Variants in POLR3D observed in about 807,000 individuals in gnomAD.
POLR3D encodes DNA-directed RNA polymerase III subunit RPC4.
POLR3D carries 42 observed loss-of-function variants against 44.5 expected under a neutral mutation model. That is an observed-to-expected ratio of 0.94 (90% CI 0.74 to 1.22). The LOEUF (loss-of-function observed/expected upper bound fraction) is 1.22, where lower values mean the gene tolerates loss of function less well. POLR3D is among the 50% of genes most tolerant of loss of function. POLR3D has a pLI of 0.00. For missense variants in POLR3D, 507 were observed against 505.2 expected (o/e 1.00, Z -0.03); for synonymous variants, 217 against 198.1 (o/e 1.10, Z -0.80).
At chr8:22,247,005 G>A (rs1056592809) in intron 2 of POLR3D, among the ~76,000 whole-genome samples, 1 of 152,188 alleles carries the variant, frequency 6.6e-6, no homozygotes, top group African/African-American at 2.4e-5. Context: ...GTGGGTTTTG[G>A]TGCCCCCTTC....
intron 6 of POLR3D, 111 bp downstream of exon 6, chr8:22,248,760 C>G: frequency 9.5e-7 from 1 of 1,055,592 alleles, no homozygotes; most frequent in South Asian, 1.5e-5. Context: ...AGCAGGTCCT[C>G]CCATTCCGGC....
chr8:22,246,484 C>T (rs1830044810), intron 2 of POLR3D, among the ~76,000 whole-genome samples: 1 of 151,496 alleles, frequency 6.6e-6, no homozygotes, highest in South Asian at 2.1e-4. Context: ...CTCTTTCTGT[C>T]GCCCAGGCTG....
Position 22,247,978 on chromosome 8 carries a change from C to T in POLR3D, c.331C>T (p.Gln111Ter). ...EVIQSHSIFE[Q>*]GPAEMMKKKG... ...GATCCAGTCTCACTCCATCTTTGAG[C>T]AGGGCCCAGCTGAAATGATGAAGAA... Residue 111 changes from glutamine (Q) to a stop codon, truncating the protein, a stop_gained, in exon 4 of 9, where the codon CAG becomes TAG. Transcript: ENST00000306433. LOFTEE classifies it high-confidence loss of function. The T allele has an allele frequency of 6.2e-7, 1 of 1,613,930 alleles. No individual in the cohort carries two copies. The highest frequency in any genetic ancestry group is 8.5e-7 in the Non-Finnish European group (1 of 1,179,964).
Position 22,249,296 on chromosome 8 carries a change from A to C in POLR3D, c.908A>C (p.Gln303Pro), listed in dbSNP as rs910612596. Reference sequence around the variant, plus strand: ...GACGGACAGGTGGTGCTCATCAAGCAGGAGAAAGACCGAGTACGCTCAGAC... The same window carrying C: ...GACGGACAGGTGGTGCTCATCAAGCCGGAGAAAGACCGAGTACGCTCAGAC... ...GEDGQVVLIK[Q>P]EKDREAKLAE... The change falls in exon 7 of 9, where the codon CAG becomes CCG. Residue 303 changes from glutamine (Q) to proline (P), a missense_variant. Coordinates refer to ENST00000306433, the MANE Select transcript of POLR3D (RefSeq NM_001722.3). 1 of 1,613,832 alleles carries C rather than the reference A, an allele frequency of 6.2e-7. No homozygotes were observed. The highest frequency in any genetic ancestry group is 1.7e-5 in the Admixed American group (1 of 59,964).
intron 2 of POLR3D, among the ~76,000 whole-genome samples, chr8:22,246,683 A>G (rs1204935026): frequency 6.6e-6 from 1 of 152,028 alleles, no homozygotes; most frequent in South Asian, 2.1e-4. Context: ...TGACCTCGTG[A>G]TCCACCCACC....
rs1347341309 is a variant in POLR3D, at chr8:22,248,014, A to T, written c.361+6A>T. ...TGAAATGATGAAGAAAAAAGGTATA[A>T]GGAAGGAATCAGTGAATTTCAGTTC... On this transcript the variant is annotated splice_donor_region_variant and intron_variant, in intron 4 of 8. Coordinates refer to ENST00000306433, the MANE Select transcript of POLR3D (RefSeq NM_001722.3). The T allele has an allele frequency of 4.3e-6, 7 of 1,612,974 alleles. No homozygotes were observed. In the African/African-American group the frequency reaches 5.3e-5, roughly 12 times the overall value.
At chr8:22,247,637 A>G (rs187389425) in intron 3 of POLR3D, among the ~76,000 whole-genome samples, 1 of 152,328 alleles carries the variant, frequency 6.6e-6, no homozygotes, top group Admixed American at 6.5e-5. Flanking sequence ...ACAAAAATCT[A>G]TATTTTTGGA....
intron 3 of POLR3D, 42 bp downstream of exon 3, chr8:22,247,306 T>G: frequency 1.3e-6 from 2 of 1,508,722 alleles, no homozygotes; most frequent in South Asian, 2.3e-5. Context: ...CTTATTTACT[T>G]GCTCTGAATT....
intron 2 of POLR3D, among the ~76,000 whole-genome samples, chr8:22,245,834 C>T (rs1830035108): frequency 6.6e-6 from 1 of 152,144 alleles, no homozygotes; most frequent in Non-Finnish European, 1.5e-5. Context: ...GGCAGAGAAT[C>T]CTAATAAGTT....
At chr8:22,246,403 T>C (rs1034016042) in intron 2 of POLR3D, among the ~76,000 whole-genome samples, 1 of 151,748 alleles carries the variant, frequency 6.6e-6, no homozygotes, top group Non-Finnish European at 1.5e-5. Flanking sequence ...GTGCTGGGAT[T>C]ACAGGTGTGA....
At position 22,249,528 on chromosome 8, in the gene POLR3D, A is replaced by G. The variant is rs568554267; in HGVS notation, c.921+219A>G. Reference sequence around the variant, plus strand: ...CACTTCTTATAAGGAAATATTTCAAACACAAATGAGAGAACATATGGCCAG... The same window carrying G: ...CACTTCTTATAAGGAAATATTTCAAGCACAAATGAGAGAACATATGGCCAG... On this transcript the variant is annotated intron_variant, in intron 7 of 8. Transcript: ENST00000306433. Among the ~76,000 whole-genome samples the G allele has an allele frequency of 3.9e-5, 6 of 152,348 alleles. No homozygotes were observed. The East Asian group carries it at 1.2e-3, about 29-fold the overall frequency.
rs1830067059 is a variant in POLR3D, at chr8:22,248,567, A to C, written c.573A>C (p.Glu191Asp). The change falls in exon 6 of 9, where the codon GAA (glutamate) becomes GAC (aspartate). Residue 191 changes from glutamate to aspartate, a missense_variant. Coordinates refer to ENST00000306433, the MANE Select transcript of POLR3D (RefSeq NM_001722.3). ...PLAHSGWLFK[E>D]ENDEPDVKPW... ...CTCACTCAGGATGGCTTTTTAAGGA[A>C]GAAAATGACGAACCAGATGTTAAAC... is the stretch of plus-strand genomic sequence containing the variant. The C allele has an allele frequency of 6.2e-7, 1 of 1,614,084 alleles. No individual in the cohort carries two copies. The highest frequency in any genetic ancestry group is 1.7e-5 in the Admixed American group (1 of 60,000).
rs559938683 is a variant in POLR3D, at chr8:22,251,073, G to T, written c.*555G>T. 1.3e-5 allele frequency: 2 copies of T among 155,736 alleles called. No homozygotes were observed. Among genetic ancestry groups the T allele is most frequent in the Non-Finnish European group, 2.9e-5 (2 of 69,554 alleles). 9.6% of individuals were successfully genotyped at this position (155,736 alleles called of 1,614,324 possible). A position where few individuals can be genotyped will look rare whatever the true frequency, so the allele number is the denominator to read the frequency against. ...CAAATGGGGATGATACCTACCTCCA[G>T]GGTTGGCGTGAGGATTCATGGGCTA... On this transcript the variant is annotated 3_prime_UTR_variant, in exon 9 of 9. Transcript: ENST00000306433.
intron 2 of POLR3D, among the ~76,000 whole-genome samples, chr8:22,245,818 T>C (rs981116526): frequency 6.6e-6 from 1 of 152,198 alleles, no homozygotes; most frequent in African/African-American, 2.4e-5. Context: ...CCAGAGGTGG[T>C]TGAAGGGCAG....
chr8:22,248,430 G>A, intron 5 of POLR3D, 51 bp from the exon 6 acceptor site: 1 of 1,596,306 alleles, frequency 6.3e-7, no homozygotes. Context: ...AGCAGACTTT[G>A]ATCCAGGTGC....
At chr8:22,246,665 T>C (rs1335029542) in intron 2 of POLR3D, among the ~76,000 whole-genome samples, 1 of 152,112 alleles carries the variant, frequency 6.6e-6, no homozygotes, top group Non-Finnish European at 1.5e-5. Context: ...AGGCTGATCT[T>C]GAACTCCTGA....
rs1318227610 is a variant in POLR3D, at chr8:22,251,221, C to T, written c.*703C>T. The T allele has an allele frequency of 6.5e-6, 1 of 153,536 alleles. No individual in the cohort carries two copies. The highest frequency in any genetic ancestry group is 2.1e-4 in the South Asian group (1 of 4,836). The allele number at this position is 153,536 out of a possible 1,614,324, so 9.5% of individuals were successfully genotyped here. On this transcript the variant is annotated 3_prime_UTR_variant, in exon 9 of 9. Coordinates refer to ENST00000306433, the MANE Select transcript of POLR3D (RefSeq NM_001722.3). ...ATTCTAAATCTCCCAGAAGCAGCGA[C>T]TAGAGCTGCTCCCGTCCCCACTCTT...
In POLR3D at chr8:22,251,916, T is replaced by C. The variant is rs117112666; in HGVS notation, c.*1398T>C. On this transcript the variant is annotated 3_prime_UTR_variant, in exon 9 of 9. Transcript: ENST00000306433. ...CTGGCCTCTGGGACAGTATGAACCA[T>C]AGGGGCTCAGGAAGAACCGCTTCCC... The C allele has an allele frequency of 0.059, 8,954 of 152,566 alleles. 320 individuals carry two copies. The highest frequency in any genetic ancestry group is 0.09 in the Admixed American group (1,370 of 15,276). The allele number at this position is 152,566 out of a possible 1,614,324, so 9.5% of individuals were successfully genotyped here.
chr8:22,249,145 G>T lies in POLR3D; in HGVS notation c.757G>T (p.Glu253Ter). 6.2e-7 allele frequency: 1 copy of T among 1,614,128 alleles called. No individual in the cohort carries two copies. Among genetic ancestry groups the T allele is most frequent in the Non-Finnish European group, 8.5e-7 (1 of 1,180,020 alleles). ...PGLPKDVSVA[E>*]LLRELSLTKE... ...CCTCCCGAAGGATGTATCTGTGGCAGAGCTGCTGAGGGAGCTGAGCCTCAC... is the reference window on the plus strand; with the variant it reads ...CCTCCCGAAGGATGTATCTGTGGCATAGCTGCTGAGGGAGCTGAGCCTCAC... The change falls in exon 7 of 9, where the codon GAG becomes TAG. Residue 253 changes from glutamate to a stop codon, truncating the protein, a stop_gained. Transcript: ENST00000306433. LOFTEE classifies it high-confidence loss of function.
Sources: gnomAD v4.1 joint callset for allele counts (sites outside exome capture counted in the v4.1 genomes callset) on GRCh38, gnomAD v4.1.1 for gene constraint, MANE v1.5 for transcripts, NCBI Gene and HGNC (gene_info 2026-07-23, HGNC 2026-07-21) for gene names.